The following AZIN1 variants were observed in gnomAD, a reference collection of about 807,000 sequenced individuals.
AZIN1 encodes the protein ornithine decarboxylase antizyme inhibitor.
AZIN1 carries 12 observed loss-of-function variants against 47.4 expected under a neutral mutation model. The ratio of observed to expected loss-of-function variants is 0.25; its 90% CI spans 0.16 to 0.41. AZIN1 has a LOEUF of 0.41. Among genes scored for constraint, AZIN1 ranks in the 10% least tolerant of loss-of-function variants. The pLI is 1.00. For missense variants in AZIN1, 410 were observed against 532.4 expected (o/e 0.77, Z 2.26); for synonymous variants, 155 against 176.3 (o/e 0.88, Z 0.96).
intron 2 of AZIN1, among the ~76,000 whole-genome samples, chr8:102,856,832 T>C (rs1004525786): frequency 1.7e-4 from 26 of 152,236 alleles, no homozygotes; most frequent in African/African-American, 6.3e-4. Flanking sequence ...TTCTCTTTAA[T>C]GTGCACACAA....
intron 3 of AZIN1, among the ~76,000 whole-genome samples, chr8:102,840,826 G>C (rs1002328514): frequency 3.3e-5 from 5 of 152,180 alleles, no homozygotes; most frequent in Admixed American, 6.5e-5. Flanking sequence ...TTAGAATATA[G>C]TGCCCAACTG....
chr8:102,848,999 A>C (rs1812758920), intron 2 of AZIN1, among the ~76,000 whole-genome samples: 1 of 152,120 alleles, frequency 6.6e-6, no homozygotes, highest in African/African-American at 2.4e-5. Flanking sequence ...CACTAAGTTA[A>C]TCTACCTCAA....
At position 102,834,213 on chromosome 8, in the gene AZIN1, C is replaced by T. The variant is rs1175175075; in HGVS notation, c.717G>A (p.Thr239=). Residue 239 remains threonine (T), a synonymous_variant, in exon 8 of 12, where the codon ACG becomes ACA. Transcript: ENST00000337198. ...MNMLDIGGGF[T]GTEFQLEEVN... ...CCTCTTCCAATTGAAATTCAGTTCC[C>T]GTGAATCCTCCACCAATGTCTAACA... 8 of 1,612,704 alleles carry T rather than the reference C, an allele frequency of 5.0e-6. No homozygotes were observed. Among genetic ancestry groups the T allele is most frequent in the Middle Eastern group, 1.7e-4 (1 of 6,056 alleles).
chr8:102,843,205 CAAAAAAAA>C (rs10713233), intron 3 of AZIN1, among the ~76,000 whole-genome samples: 5 of 97,268 alleles, frequency 5.1e-5, no homozygotes, highest in Admixed American at 2.3e-4. Context: ...GACTCGTCTC[CAAAAAAAA>C]AAAAAAAAAA....
intron 5 of AZIN1, among the ~76,000 whole-genome samples, chr8:102,837,020 C>G (rs1456128592): frequency 1.3e-5 from 2 of 152,092 alleles, no homozygotes; most frequent in African/African-American, 4.8e-5. Context: ...TGAGTTCAAG[C>G]AATTCTCCTG....
chr8:102,836,614 G>T (rs1018589242), intron 5 of AZIN1: 5 of 511,570 alleles, frequency 9.8e-6, no homozygotes, highest in Non-Finnish European at 1.7e-5. Flanking sequence ...GGAAAATGCA[G>T]CAAGTTAAGA....
chr8:102,837,428 A>G (rs943455195), intron 5 of AZIN1, among the ~76,000 whole-genome samples: 1 of 152,228 alleles, frequency 6.6e-6, no homozygotes, highest in South Asian at 2.1e-4. Context: ...CTGTTTTCCT[A>G]TGGATGTAAT....
In AZIN1 at chr8:102,833,069, T is replaced by C; in HGVS notation, c.891A>G (p.Lys297=). 1.9e-6 allele frequency: 3 copies of C among 1,610,672 alleles called. No homozygotes were observed. Among genetic ancestry groups the C allele is most frequent in the South Asian group, 1.1e-5 (1 of 90,786 alleles). The change falls in exon 9 of 12, where the codon AAA becomes AAG. Residue 297 remains lysine (K), a synonymous_variant. Coordinates refer to ENST00000337198, the MANE Select transcript of AZIN1 (RefSeq NM_148174.4). Reference sequence around the variant, plus strand: ...TTTATAACTTACCTCCAGAGGGAAATTTATCATTTTCAACAACTTTCTTTG... The same window carrying C: ...TTTATAACTTACCTCCAGAGGGAAACTTATCATTTTCAACAACTTTCTTTG... ...IIAKKVVEND[K]FPSGVEKTGS... is the part of the protein sequence containing the mutation.
At chr8:102,855,622 G>C (rs746335273) in intron 2 of AZIN1, 4 of 152,142 alleles carry the variant, frequency 2.6e-5, no homozygotes, top group Non-Finnish European at 2.9e-5. Flanking sequence ...TACCTGCACG[G>C]GAATCCTAGT....
chr8:102,852,021 G>A (rs771504542), intron 2 of AZIN1, among the ~76,000 whole-genome samples: 1 of 152,156 alleles, frequency 6.6e-6, no homozygotes, highest in East Asian at 1.9e-4. Context: ...TTTATCTGAA[G>A]GAGCTCTTCA....
rs752643731 is a variant in AZIN1 at position 102,829,890 on chromosome 8, A to G, written c.951T>C (p.Asn317=). Residue 317 remains asparagine, a synonymous_variant, in exon 10 of 12, where the codon AAT becomes AAC. Coordinates refer to ENST00000337198, the MANE Select transcript of AZIN1 (RefSeq NM_148174.4). ...SDEPAFMYYM[N]DGVYGSFASK... is the part of the protein sequence containing the mutation. ...TTGCAAAAGAACCATAAACACCATC[A>G]TTCATATAATACATGAAGGCTGGTT... The G allele has an allele frequency of 6.2e-7, 1 of 1,613,528 alleles. No homozygotes were observed. Among genetic ancestry groups the G allele is most frequent in the Admixed American group, 1.7e-5 (1 of 59,936 alleles).
Position 102,864,050 on chromosome 8 carries a change from T to C in AZIN1, c.-477A>G. 1 of 157,196 alleles carries C rather than the reference T, an allele frequency of 6.4e-6. No individual in the cohort carries two copies. The highest frequency in any genetic ancestry group is 1.7e-4 in the South Asian group (1 of 5,756). The allele number at this position is 157,196 out of a possible 1,614,324, so 9.7% of individuals were successfully genotyped here. A position where few individuals can be genotyped will look rare whatever the true frequency, so the allele number is the denominator to read the frequency against. The stretch of plus-strand genomic sequence containing the variant: ...AGGCGCGGGCTGGGTGGGAAGAGGA[T>C]TCGGACTCGTCACACTGCAGAGCAG... On this transcript the variant is annotated 5_prime_UTR_variant, in exon 1 of 12. Transcript: ENST00000337198.
chr8:102,849,050 C>A (rs751043972), intron 2 of AZIN1, among the ~76,000 whole-genome samples: 1 of 152,110 alleles, frequency 6.6e-6, no homozygotes, highest in African/African-American at 2.4e-5. Context: ...GTAATCCCAG[C>A]ACTCTGGGAG....
chr8:102,838,912 T>A lies in AZIN1; in HGVS notation c.281A>T (p.Glu94Val). 6.2e-7 allele frequency: 1 copy of A among 1,609,228 alleles called. No individual in the cohort carries two copies. The highest frequency in any genetic ancestry group is 8.5e-7 in the Non-Finnish European group (1 of 1,177,944). Residue 94 changes from glutamate to valine, a missense_variant, in exon 5 of 12, where the codon GAA becomes GTA. Physicochemically the swap from Glu to Val is moderately radical, Grantham distance 121. Transcript: ENST00000337198. The stretch of plus-strand genomic sequence containing the variant: ...ACCCAACTCTTGCACTAAAGCCATT[T>A]CATTCTGTGAAAATGAGGTTAAAGT... ...GTGFACSSKN[E>V]MALVQELGVP...
chr8:102,847,919 G>C (rs966506373), intron 2 of AZIN1, among the ~76,000 whole-genome samples: 1 of 152,080 alleles, frequency 6.6e-6, no homozygotes. Flanking sequence ...AAAGAAGCCC[G>C]TAACTTTGAT....
chr8:102,832,512 A>G (rs1811523781), intron 9 of AZIN1, among the ~76,000 whole-genome samples: 1 of 152,228 alleles, frequency 6.6e-6, no homozygotes, highest in South Asian at 2.1e-4. Context: ...AAAGATCACA[A>G]TAAAAGTAGT....
intron 8 of AZIN1, among the ~76,000 whole-genome samples, chr8:102,833,826 G>C (rs1363382254): frequency 6.9e-6 from 1 of 144,132 alleles, no homozygotes; most frequent in African/African-American, 2.6e-5. Context: ...GAGCCCAGGA[G>C]TTGGAAGCTA....
chr8:102,863,265 G>C (rs1287555441), intron 1 of AZIN1, among the ~76,000 whole-genome samples: 1 of 152,134 alleles, frequency 6.6e-6, no homozygotes, highest in East Asian at 1.9e-4. Context: ...GCTGTCACCA[G>C]AGGCCGGCGC....
chr8:102,858,236 T>C (rs1813412987), intron 1 of AZIN1, 86 bp from the exon 2 acceptor site: 1 of 396,990 alleles, frequency 2.5e-6, no homozygotes, highest in Admixed American at 4.4e-5. Context: ...GTAGAATACG[T>C]GTTCATTTTA....
Sources: allele counts gnomAD v4.1 joint callset (sites outside exome capture counted in the v4.1 genomes callset), GRCh38; gene constraint gnomAD v4.1.1; transcripts MANE v1.5; gene names NCBI Gene and HGNC (gene_info 2026-07-23, HGNC 2026-07-21).